PREX2: variants seen among roughly 807,000 people sequenced by gnomAD.
PREX2 encodes the protein phosphatidylinositol 3,4,5-trisphosphate-dependent Rac exchanger 2 protein.
A neutral mutation model predicts 203.2 loss-of-function variants in PREX2; 107 were observed. That is an observed-to-expected ratio of 0.53 (90% CI 0.45 to 0.62). The LOEUF is 0.62. PREX2 is among the 20% of genes least tolerant of loss of function. PREX2 has a pLI of 0.00. For missense variants in PREX2, 1,777 were observed against 1,955.9 expected, an observed-to-expected ratio of 0.91 and a Z score of 1.72; for synonymous variants, 672 against 663.6, an observed-to-expected ratio of 1.01 and a Z score of -0.19.
chr8:68,111,458 A>G (rs894470599), intron 25 of PREX2, among the ~76,000 whole-genome samples: 2 of 152,088 alleles, frequency 1.3e-5, no homozygotes, highest in African/African-American at 2.4e-5. Context: ...AAACCCAAGG[A>G]GCTCCTTTTA....
chr8:68,084,840 G>A (rs567398716), intron 18 of PREX2, among the ~76,000 whole-genome samples: 1 of 152,274 alleles, frequency 6.6e-6, no homozygotes, highest in South Asian at 2.1e-4. Flanking sequence ...AGTATTGAAA[G>A]CAATCATTAC....
chr8:68,057,817 T>C (rs554766134), intron 10 of PREX2, among the ~76,000 whole-genome samples: 49 of 152,326 alleles, frequency 3.2e-4, no homozygotes, highest in African/African-American at 1.2e-3. Flanking sequence ...AGTTTAGCAG[T>C]TGACACCCTG....
At position 68,235,504 on chromosome 8, in the gene PREX2, T is replaced by A. The variant is rs1046164839; in HGVS notation, c.*4126T>A. On this transcript the variant is annotated 3_prime_UTR_variant, in exon 40 of 40. Coordinates refer to ENST00000288368, the MANE Select transcript of PREX2 (RefSeq NM_024870.4). Reference sequence around the variant, plus strand: ...ATTGTCGGTTGTCCTGCTTAAGTACTAGGGCCAAGCTTTGAAATGACTTAA... The same window carrying A: ...ATTGTCGGTTGTCCTGCTTAAGTACAAGGGCCAAGCTTTGAAATGACTTAA... 1.3e-5 allele frequency: 2 copies of A among 152,168 alleles called. No individual in the cohort carries two copies. Among genetic ancestry groups the A allele is most frequent in the Non-Finnish European group, 2.9e-5 (2 of 68,018 alleles). The allele number at this position is 152,168 out of a possible 1,614,324, so 9.4% of individuals were successfully genotyped here.
rs1004263935 is a variant in PREX2, at chr8:68,134,170, G to T, written c.3878G>T (p.Ser1293Ile). 2 of 1,614,102 alleles carry T rather than the reference G, an allele frequency of 1.2e-6. No homozygotes were observed. Among genetic ancestry groups the T allele is most frequent in the East Asian group, 4.5e-5 (2 of 44,862 alleles). ...MAALNQMFDN[S>I]KENEMETWEA... ...GCCTTGAACCAGATGTTTGACAACA[G>T]CAAGGAAAATGAGATGGAAACTTGG... Residue 1293 changes from serine to isoleucine, a missense_variant, in exon 32 of 40, where the codon AGC (serine) becomes ATC (isoleucine). Physicochemically the swap from Ser to Ile is moderately radical, Grantham distance 142. Coordinates refer to ENST00000288368, the MANE Select transcript of PREX2 (RefSeq NM_024870.4).
chr8:67,968,998 C>CTCTTA (rs1805850339), intron 1 of PREX2, among the ~76,000 whole-genome samples: 1 of 152,174 alleles, frequency 6.6e-6, no homozygotes, highest in Admixed American at 6.5e-5. Context: ...CCATCAGTAG[C>CTCTTA]TCTTACTTGG....
intron 33 of PREX2, 126 bp downstream of exon 33, chr8:68,138,643 G>A (rs1004841059): frequency 1.2e-4 from 58 of 493,118 alleles, no homozygotes; most frequent in African/African-American, 1.1e-3. Context: ...TTTTGATTTA[G>A]AAATTTTCCA....
chr8:68,186,814 T>C (rs958446198), intron 35 of PREX2, among the ~76,000 whole-genome samples: 1 of 152,178 alleles, frequency 6.6e-6, no homozygotes, highest in Non-Finnish European at 1.5e-5. Flanking sequence ...GCCCAGCCTA[T>C]AGCAGTTTTA....
At chr8:67,982,318 A>T (rs930815080) in intron 1 of PREX2, among the ~76,000 whole-genome samples, 1 of 152,146 alleles carries the variant, frequency 6.6e-6, no homozygotes, top group African/African-American at 2.4e-5. Context: ...GCTACTTGGG[A>T]TGCTGAAGTG....
chr8:68,021,534 C>T (rs932414562), intron 3 of PREX2, among the ~76,000 whole-genome samples: 3 of 152,110 alleles, frequency 2.0e-5, no homozygotes, highest in African/African-American at 7.2e-5. Flanking sequence ...CTGCAGGGTC[C>T]TGTGTTTCTC....
At position 68,118,653 on chromosome 8, in the gene PREX2, G is replaced by A. The variant is rs747718964; in HGVS notation, c.3421+9G>A. The stretch of plus-strand genomic sequence containing the variant: ...TGATGAAATGGACTCAGGTGTGTTC[G>A]TTGGTGAAGGCCTGTGGGCTTTTTG... On this transcript the variant is annotated intron_variant, in intron 27 of 39. Coordinates refer to ENST00000288368, the MANE Select transcript of PREX2 (RefSeq NM_024870.4). 3.8e-6 allele frequency: 6 copies of A among 1,595,468 alleles called. No individual in the cohort carries two copies. In the Admixed American group the frequency reaches 5.0e-5, roughly 13 times the overall value.
intron 6 of PREX2, among the ~76,000 whole-genome samples, chr8:68,031,610 C>T (rs535704014): frequency 1.5e-4 from 23 of 152,266 alleles, no homozygotes; most frequent in African/African-American, 5.3e-4. Context: ...TCCCTTCTCT[C>T]CTGTGAATCT....
In PREX2 at chr8:68,231,413, C is replaced by A; in HGVS notation, c.*35C>A. 6.3e-7 allele frequency: 1 copy of A among 1,585,046 alleles called. No individual in the cohort carries two copies. On this transcript the variant is annotated 3_prime_UTR_variant, in exon 40 of 40. Transcript: ENST00000288368. ...CCAAGAAACCAGGCAGGCAGAAGCT[C>A]CTGAATGCTGGACTAGACAAACTAC...
At chr8:68,167,797 A>G (rs895995287) in intron 35 of PREX2, among the ~76,000 whole-genome samples, 1 of 152,194 alleles carries the variant, frequency 6.6e-6, no homozygotes, top group African/African-American at 2.4e-5. Flanking sequence ...GGACTGGAAT[A>G]AAAGCTGAGC....
chr8:67,989,997 T>G lies in PREX2; in HGVS notation c.142-27849T>G, dbSNP rs556091426. ...AATGTAAACCTCTGGAGTGAATCTT[T>G]TTTTTTTCAAGACAGTCTCGCTGTG... On this transcript the variant is annotated intron_variant, in intron 1 of 39. Transcript: ENST00000288368. 9.2e-5 allele frequency among the ~76,000 whole-genome samples: 14 copies of G among 152,268 alleles called. No individual in the cohort carries two copies. In the South Asian group the frequency reaches 1.0e-3, roughly 11 times the overall value.
intron 35 of PREX2, among the ~76,000 whole-genome samples, chr8:68,186,155 T>C (rs1252388440): frequency 1.3e-5 from 2 of 152,230 alleles, no homozygotes; most frequent in Non-Finnish European, 2.9e-5. Context: ...TGATGAGAAA[T>C]ACCTGAAATT....
At chr8:68,144,890 C>T (rs546485337) in intron 33 of PREX2, among the ~76,000 whole-genome samples, 98 of 152,220 alleles carry the variant, frequency 6.4e-4, no homozygotes, top group African/African-American at 2.3e-3. Flanking sequence ...TAATATGAAA[C>T]TCCAACTGTT....
intron 1 of PREX2, among the ~76,000 whole-genome samples, chr8:67,977,728 G>T (rs1339366057): frequency 6.6e-6 from 1 of 152,082 alleles, no homozygotes; most frequent in Non-Finnish European, 1.5e-5. Context: ...AGTGGCCAAT[G>T]ATTTAATCAA....
In PREX2 at chr8:68,231,765, C is replaced by A; in HGVS notation, c.*387C>A. 5.5e-6 allele frequency: 1 copy of A among 180,488 alleles called. No homozygotes were observed. Among genetic ancestry groups the A allele is most frequent in the Non-Finnish European group, 1.2e-5 (1 of 85,706 alleles). 11.2% of individuals were successfully genotyped at this position (180,488 alleles called of 1,614,324 possible). ...TGTTTTCATCTTTCCCAAGTGGACA[C>A]ATGTAATAATGGAGAGTTCCTCTTG... On this transcript the variant is annotated 3_prime_UTR_variant, in exon 40 of 40. Coordinates refer to ENST00000288368, the MANE Select transcript of PREX2 (RefSeq NM_024870.4).
At chr8:68,013,611 G>T (rs1374717855) in intron 1 of PREX2, among the ~76,000 whole-genome samples, 1 of 152,144 alleles carries the variant, frequency 6.6e-6, no homozygotes, top group East Asian at 1.9e-4. Flanking sequence ...ATCTTCCAAA[G>T]AATTGTGATG....
Sources: allele counts gnomAD v4.1 joint callset (sites outside exome capture counted in the v4.1 genomes callset), GRCh38; gene constraint gnomAD v4.1.1; transcripts MANE v1.5; gene names NCBI Gene and HGNC (gene_info 2026-07-23, HGNC 2026-07-21).